BRCA2: variants seen among roughly 807,000 people sequenced by gnomAD.
The protein encoded by BRCA2 is BRCA2 DNA repair associated.
Under a neutral mutation model 276.7 loss-of-function variants are expected in BRCA2, and 203 were observed. That is an observed-to-expected ratio of 0.73 (90% CI 0.65 to 0.82). The LOEUF (loss-of-function observed/expected upper bound fraction) is 0.82. Ranked by LOEUF, BRCA2 falls within the 40% of genes least tolerant of loss-of-function variation. BRCA2 has a pLI of 0.00. For synonymous variants in BRCA2, 1,289 were observed against 1,338.4 expected (o/e 0.96, Z 0.81); for missense variants, 3,920 against 3,915.0 (o/e 1.00, Z -0.03).
At chr13:32,356,956 A>G (rs1010692569) in intron 15 of BRCA2, among the ~76,000 whole-genome samples, 2 of 152,222 alleles carry the variant, frequency 1.3e-5, no homozygotes, top group African/African-American at 4.8e-5. Flanking sequence ...AGCTATTTAT[A>G]TTTTCCAAAG....
In BRCA2 at chr13:32,381,972, G is replaced by A. The variant is rs10870659; in HGVS notation, c.9256+1827G>A. Among the ~76,000 whole-genome samples, 38,936 of 152,008 alleles carry A rather than the reference G, an allele frequency of 0.26. 5,222 individuals carry two copies. The highest frequency in any genetic ancestry group is 0.27 in the Non-Finnish European group (18,129 of 67,962). On this transcript the variant is annotated intron_variant, in intron 24 of 26. Transcript: ENST00000380152. ...GAAGGAAAGACTGCAAGAAAAGCAA[G>A]TATGTGGGGAAGTTCAGGAGCTCAG... is the stretch of plus-strand genomic sequence containing the variant.
In BRCA2 at chr13:32,340,607, T is replaced by C. The variant is rs2137525654; in HGVS notation, c.6252T>C (p.Asp2084=). Residue 2084 remains aspartate, a synonymous_variant, in exon 11 of 27, where the codon GAT becomes GAC. Coordinates refer to ENST00000380152, the MANE Select transcript of BRCA2 (RefSeq NM_000059.4). ...HKVKGVLEEF[D]LIRTEHSLHY... is the part of the protein sequence containing the mutation. ...TTAAGGGAGTGTTAGAGGAATTTGA[T>C]TTAATCAGAACTGAGCATAGTCTTC... 1 of 1,607,780 alleles carries C rather than the reference T, an allele frequency of 6.2e-7. No individual in the cohort carries two copies. Among genetic ancestry groups the C allele is most frequent in the Non-Finnish European group, 8.5e-7 (1 of 1,176,916 alleles).
At chr13:32,358,545 A>C (rs373524836) in intron 16 of BRCA2, among the ~76,000 whole-genome samples, 1 of 151,820 alleles carries the variant, frequency 6.6e-6, no homozygotes, top group Non-Finnish European at 1.5e-5. Context: ...TAATCCCAGC[A>C]CTTTGGGAGG....
chr13:32,351,393 C>T (rs1353184053), intron 13 of BRCA2, among the ~76,000 whole-genome samples: 1 of 152,162 alleles, frequency 6.6e-6, no homozygotes, highest in Non-Finnish European at 1.5e-5. Context: ...AAAGAAGAAA[C>T]TCTGGACACA....
In BRCA2 at chr13:32,326,601, A is replaced by G. The variant is rs80358858; in HGVS notation, c.619A>G (p.Thr207Ala). Residue 207 changes from threonine to alanine, a missense_variant, in exon 7 of 27, where the codon ACT becomes GCT. Physicochemically the swap from Thr to Ala is moderately conservative, Grantham distance 58. Transcript: ENST00000380152. Reference sequence around the variant, plus strand: ...AGCTACACCACCCACCCTTAGTTCTACTGTGCTCATAGGTAATAATAGCAA... The same window carrying G: ...AGCTACACCACCCACCCTTAGTTCTGCTGTGCTCATAGGTAATAATAGCAA... The part of the protein sequence containing the change: ...SLATPPTLSS[T>A]VLIVRNEEAS... 6 of 1,603,288 alleles carry G rather than the reference A, an allele frequency of 3.7e-6. No homozygotes were observed. The highest frequency in any genetic ancestry group is 1.1e-5 in the South Asian group (1 of 90,834).
chr13:32,397,558 A>G (rs193012810), intron 26 of BRCA2, among the ~76,000 whole-genome samples: 1 of 118,052 alleles, frequency 8.5e-6, no homozygotes, highest in Non-Finnish European at 1.9e-5. Flanking sequence ...GAAGTGATGT[A>G]TAACAAAACC....
In BRCA2 at chr13:32,340,479, C is replaced by A; in HGVS notation, c.6124C>A (p.Gln2042Lys). 6.2e-7 allele frequency: 1 copy of A among 1,613,334 alleles called. No individual in the cohort carries two copies. The highest frequency in any genetic ancestry group is 1.1e-5 in the South Asian group (1 of 91,002). ...AIRTPEHLIS[Q>K]KGFSYNVVNS... ...ACGTACTCCAGAACATTTAATATCC[C>A]AAAAAGGCTTTTCATATAATGTGGT... The change falls in exon 11 of 27, where the codon CAA becomes AAA. Residue 2042 changes from glutamine to lysine, a missense_variant. By Grantham distance (53) the Gln-to-Lys change is moderately conservative (BLOSUM62 1). Around this residue, in one of 2 missense-constraint regions of BRCA2, gnomAD observed 3,263 missense variants for 3,156.9 expected, o/e 1.03. Transcript: ENST00000380152.
rs535322857 is a variant in BRCA2 at position 32,323,773 on chromosome 13, T to G, written c.317-1303T>G. 3.9e-5 allele frequency among the ~76,000 whole-genome samples: 6 copies of G among 152,310 alleles called. No individual in the cohort carries two copies. In the South Asian group the frequency reaches 1.2e-3, roughly 32 times the overall value. On this transcript the variant is annotated intron_variant, in intron 3 of 26. Transcript: ENST00000380152. Reference sequence around the variant, plus strand: ...AACCGAAGCAACTATTTTCTAAGAGTAATAATAAGTGACTCAGGTGCCAAA... The same window carrying G: ...AACCGAAGCAACTATTTTCTAAGAGGAATAATAAGTGACTCAGGTGCCAAA...
chr13:32,390,573 CCT>C (rs1388221870), intron 24 of BRCA2, among the ~76,000 whole-genome samples: 1 of 152,116 alleles, frequency 6.6e-6, no homozygotes, highest in African/African-American at 2.4e-5. Context: ...TTGTTCTCCC[CCT>C]CTTGATGAAT....
At chr13:32,368,328 C>T (rs1476614156) in intron 18 of BRCA2, among the ~76,000 whole-genome samples, 2 of 152,002 alleles carry the variant, frequency 1.3e-5, no homozygotes, top group African/African-American at 4.8e-5. Flanking sequence ...AAAAGGATTA[C>T]AGCCCTTTTC....
intron 20 of BRCA2, among the ~76,000 whole-genome samples, chr13:32,372,932 TG>T (rs1413657435): frequency 1.3e-5 from 2 of 151,764 alleles, no homozygotes; most frequent in African/African-American, 4.8e-5. Context: ...TGGGAGAAAT[TG>T]GCCAAAACAA....
rs563766614 is a variant in BRCA2 at position 32,350,516 on chromosome 13, G to A, written c.7007+3620G>A. The stretch of plus-strand genomic sequence containing the variant: ...TGTAATCCCAGCACTTTGGGAGGCC[G>A]AGGCGGGTGGATCACAAGGTCAGGA... On this transcript the variant is annotated intron_variant, in intron 13 of 26. Coordinates refer to ENST00000380152, the MANE Select transcript of BRCA2 (RefSeq NM_000059.4). Among the ~76,000 whole-genome samples the A allele has an allele frequency of 9.2e-5, 14 of 152,164 alleles. No individual in the cohort carries two copies. In the South Asian group the frequency reaches 2.3e-3, roughly 25 times the overall value.
rs4987048 is a variant in BRCA2 at position 32,340,059 on chromosome 13, G to A, written c.5704G>A (p.Asp1902Asn). The change falls in exon 11 of 27, where the codon GAT becomes AAT. Residue 1902 changes from aspartate (D) to asparagine (N), a missense_variant. Physicochemically the swap from Asp to Asn is conservative, Grantham distance 23 (BLOSUM62 1). Transcript: ENST00000380152. ...TTACGAGGCATTGGATGATTCAGAG[G>A]ATATTCTTCATAACTCTCTAGATAA... ...GCYEALDDSE[D>N]ILHNSLDNDE... is the part of the protein sequence containing the mutation. 1.1e-3 allele frequency: 1,759 copies of A among 1,613,726 alleles called. 13 individuals are homozygous for A. In the African/African-American group the frequency reaches 0.021, roughly 19 times the overall value.
chr13:32,368,805 T>C (rs1260439901), intron 18 of BRCA2, among the ~76,000 whole-genome samples: 1 of 147,568 alleles, frequency 6.8e-6, no homozygotes, highest in Non-Finnish European at 1.5e-5. Flanking sequence ...TTTGTTTTTT[T>C]TTTGGTTTTT....
chr13:32,324,309 A>G (rs917689697), intron 3 of BRCA2, among the ~76,000 whole-genome samples: 5 of 152,196 alleles, frequency 3.3e-5, no homozygotes, highest in African/African-American at 1.2e-4. Flanking sequence ...AAAGCAAAGA[A>G]GGGGAAACAG....
intron 24 of BRCA2, among the ~76,000 whole-genome samples, chr13:32,382,037 A>ATTAG (rs1204853899): frequency 5.3e-5 from 8 of 152,246 alleles, no homozygotes; most frequent in African/African-American, 1.9e-4. Flanking sequence ...TAGGCATCTA[A>ATTAG]GTAGAAATGT....
rs145625991 is a variant in BRCA2, at chr13:32,337,772, G to A, written c.3417G>A (p.Lys1139=). 162 of 1,613,842 alleles carry A rather than the reference G, an allele frequency of 1.0e-4. No homozygotes were observed. The highest frequency in any genetic ancestry group is 2.6e-5 in the Non-Finnish European group (31 of 1,179,924). Residue 1139 remains lysine, a synonymous_variant, in exon 11 of 27, where the codon AAG becomes AAA. Transcript: ENST00000380152. The part of the protein sequence containing the change: ...QFRKPSYILQ[K]STFEVPENQM... ...GAAAACCAAGCTACATATTGCAGAA[G>A]AGTACATTTGAAGTGCCTGAAAACC...
At chr13:32,373,673 T>C (rs1009247129) in intron 20 of BRCA2, among the ~76,000 whole-genome samples, 38 of 152,190 alleles carry the variant, frequency 2.5e-4, no homozygotes, top group Non-Finnish European at 4.4e-4. Context: ...CTCTGCCCTT[T>C]GGCTCTTCAG....
chr13:32,394,992 G>A (rs982542862), intron 25 of BRCA2, 59 bp downstream of exon 25: 3 of 1,602,676 alleles, frequency 1.9e-6, no homozygotes, highest in South Asian at 2.2e-5. Flanking sequence ...TGACAGTCCA[G>A]TATCAAGGAA....
Sources: gnomAD v4.1 joint callset for allele counts (sites outside exome capture counted in the v4.1 genomes callset) on GRCh38, gnomAD v4.1.1 for gene constraint, gnomAD v4.1.1 regional missense constraint, MANE v1.5 for transcripts, NCBI Gene and HGNC (gene_info 2026-07-23, HGNC 2026-07-21) for gene names.